The following PTPRT variants were observed in gnomAD, a reference collection of about 807,000 sequenced individuals.
PTPRT encodes the protein protein tyrosine phosphatase receptor type T, also known as receptor-type tyrosine-protein phosphatase T.
Under a neutral mutation model 176.8 loss-of-function variants are expected in PTPRT, and 56 were observed. That is an observed-to-expected ratio of 0.32 (90% CI 0.26 to 0.40). The LOEUF is 0.40. PTPRT is among the 10% of genes least tolerant of loss of function. The probability of loss-of-function intolerance (pLI) is 1.00; values close to 1 mark genes in which losing one functional copy is unlikely to be tolerated. For missense variants in PTPRT, 1,540 were observed against 1,908.2 expected (o/e 0.81, Z 3.60); for synonymous variants, 783 against 739.0 (o/e 1.06, Z -0.96).
chr20:42,708,090 T>A (rs1031547793), intron 6 of PTPRT, among the ~76,000 whole-genome samples: 1 of 152,156 alleles, frequency 6.6e-6, no homozygotes, highest in Non-Finnish European at 1.5e-5. Flanking sequence ...GCAAAATATG[T>A]GTAATATAGC....
chr20:42,651,128 G>C (rs1003317235), intron 7 of PTPRT, among the ~76,000 whole-genome samples: 1 of 152,042 alleles, frequency 6.6e-6, no homozygotes, highest in African/African-American at 2.4e-5. Context: ...TAAACAAAAA[G>C]CATTTTGATA....
chr20:42,696,013 G>A (rs2075868786), intron 6 of PTPRT, among the ~76,000 whole-genome samples: 6 of 152,108 alleles, frequency 3.9e-5, no homozygotes, highest in Admixed American at 2.6e-4. Flanking sequence ...CTAGTGACTC[G>A]CTTCTAGCAG....
intron 9 of PTPRT, among the ~76,000 whole-genome samples, chr20:42,429,050 CTAGTT>C (rs2059192587): frequency 6.6e-6 from 1 of 152,158 alleles, no homozygotes. Context: ...CTGTGGCTAA[CTAGTT>C]AAGTGGGCAA....
At chr20:43,178,281 C>A (rs1277371999) in intron 1 of PTPRT, among the ~76,000 whole-genome samples, 1 of 152,156 alleles carries the variant, frequency 6.6e-6, no homozygotes, top group Non-Finnish European at 1.5e-5. Context: ...CCAGCTGAGA[C>A]ACAGGGAGGA....
chr20:43,036,193 T>TA (rs1198794995), intron 1 of PTPRT, among the ~76,000 whole-genome samples: 1 of 152,170 alleles, frequency 6.6e-6, no homozygotes, highest in Admixed American at 6.5e-5. Flanking sequence ...CTTGTTGCTT[T>TA]AAAAAAAATT....
intron 16 of PTPRT, among the ~76,000 whole-genome samples, chr20:42,181,727 C>G (rs1990534966): frequency 6.6e-6 from 1 of 152,124 alleles, no homozygotes; most frequent in Non-Finnish European, 1.5e-5. Flanking sequence ...GGCCAAGCAC[C>G]ATACTAGTCT....
In PTPRT at chr20:42,624,030, A is replaced by AACAC. The variant is rs1555888332; in HGVS notation, c.1153+53835_1153+53836insGTGT. ...CAACAAACAAACAAACAAACAAAAA[A>AACAC]AAAAAACCCTGCTGAACTCAGATTC... On this transcript the variant is annotated intron_variant, in intron 7 of 30. Coordinates refer to ENST00000373187, the MANE Select transcript of PTPRT (RefSeq NM_007050.6). Among the ~76,000 whole-genome samples the AACAC allele has an allele frequency of 1.8e-4, 26 of 145,760 alleles. 1 individual carries two copies. Among genetic ancestry groups the AACAC allele is most frequent in the African/African-American group, 7.0e-4 (26 of 37,178 alleles).
At chr20:42,867,367 T>G (rs190266197) in intron 2 of PTPRT, among the ~76,000 whole-genome samples, 1 of 152,138 alleles carries the variant, frequency 6.6e-6, no homozygotes, top group Admixed American at 6.6e-5. Context: ...TCTGTTCATT[T>G]CTTCTATGTG....
intron 26 of PTPRT, among the ~76,000 whole-genome samples, chr20:42,099,279 A>G (rs1985623327): frequency 6.6e-6 from 1 of 152,000 alleles, no homozygotes; most frequent in Non-Finnish European, 1.5e-5. Context: ...TCCAAAGCTC[A>G]TGTTCTTCAC....
At chr20:42,337,552 G>A (rs1191855014) in intron 11 of PTPRT, among the ~76,000 whole-genome samples, 1 of 152,184 alleles carries the variant, frequency 6.6e-6, no homozygotes, top group Non-Finnish European at 1.5e-5. Context: ...AGCTCAGTTA[G>A]ATGTGACTTT....
chr20:42,159,520 T>A (rs912994362), intron 17 of PTPRT, among the ~76,000 whole-genome samples: 2 of 152,124 alleles, frequency 1.3e-5, no homozygotes, highest in African/African-American at 4.8e-5. Context: ...ACAGAAAGCA[T>A]GCTCACATGC....
intron 10 of PTPRT, 76 bp from the exon 11 acceptor site, chr20:42,350,806 C>G: frequency 9.3e-7 from 1 of 1,073,146 alleles, no homozygotes; most frequent in Non-Finnish European, 1.4e-6. Context: ...TTGCTGCCAT[C>G]CTTAAAGACA....
At chr20:42,588,672 C>T (rs1191192873) in intron 7 of PTPRT, among the ~76,000 whole-genome samples, 1 of 152,148 alleles carries the variant, frequency 6.6e-6, no homozygotes, top group African/African-American at 2.4e-5. Flanking sequence ...GCACCTGGTT[C>T]CTATTTTTAA....
intron 7 of PTPRT, among the ~76,000 whole-genome samples, chr20:42,529,982 T>C (rs1166498693): frequency 2.5e-4 from 38 of 152,122 alleles, no homozygotes; most frequent in Admixed American, 2.4e-3. Context: ...TCCCACCATC[T>C]CCCTGCTTTC....
intron 16 of PTPRT, among the ~76,000 whole-genome samples, chr20:42,184,868 T>C (rs1196165513): frequency 1.3e-5 from 2 of 150,796 alleles, no homozygotes. Flanking sequence ...ACTTCTGACC[T>C]CAGGTGATCC....
chr20:42,974,485 A>G (rs1378535868), intron 1 of PTPRT, among the ~76,000 whole-genome samples: 5 of 152,234 alleles, frequency 3.3e-5, no homozygotes, highest in African/African-American at 1.2e-4. Context: ...ACACACACAC[A>G]CACACATAAT....
At chr20:42,706,857 G>T (rs542788648) in intron 6 of PTPRT, among the ~76,000 whole-genome samples, 1 of 152,318 alleles carries the variant, frequency 6.6e-6, no homozygotes, top group African/African-American at 2.4e-5. Context: ...AAATAGGGTT[G>T]TTGCAGATGT....
intron 1 of PTPRT, among the ~76,000 whole-genome samples, chr20:43,102,785 T>C (rs1281539082): frequency 6.6e-6 from 1 of 152,206 alleles, no homozygotes; most frequent in Non-Finnish European, 1.5e-5. Context: ...TTGTGGGCTT[T>C]TCCTCACTTC....
chr20:42,352,473 C>T (rs2145527263), intron 9 of PTPRT, among the ~76,000 whole-genome samples, 188 bp from the exon 10 acceptor site: 1 of 152,254 alleles, frequency 6.6e-6, no homozygotes, highest in East Asian at 1.9e-4. Flanking sequence ...TACCCCATTG[C>T]TCACCCACTG....
Sources: allele counts gnomAD v4.1 joint callset (sites outside exome capture counted in the v4.1 genomes callset), GRCh38; gene constraint gnomAD v4.1.1; transcripts MANE v1.5; gene names NCBI Gene and HGNC (gene_info 2026-07-23, HGNC 2026-07-21).